Variants in GTF2F2 observed in about 807,000 individuals in gnomAD.
The protein encoded by GTF2F2 is general transcription factor IIF subunit 2, also known as ATP-dependent helicase GTF2F2.
Under a neutral mutation model 42.2 loss-of-function variants are expected in GTF2F2, and 23 were observed. The ratio of observed to expected loss-of-function variants is 0.55; its 90% CI spans 0.39 to 0.77. GTF2F2 has a LOEUF of 0.77. Ranked by LOEUF, GTF2F2 falls within the 30% of genes least tolerant of loss-of-function variation. The probability of loss-of-function intolerance (pLI) is 0.00; values close to 1 mark genes in which losing one functional copy is unlikely to be tolerated. For missense variants in GTF2F2, 261 were observed against 287.2 expected (o/e 0.91, Z 0.66); for synonymous variants, 105 against 100.8 (o/e 1.04, Z -0.25).
intron 1 of GTF2F2, among the ~76,000 whole-genome samples, chr13:45,121,377 C>T: frequency 6.6e-6 from 1 of 152,182 alleles, no homozygotes; most frequent in Non-Finnish European, 1.5e-5. Context: ...GGAGTGTTTT[C>T]TCCTAGGGGA....
chr13:45,165,199 T>C (rs1871219353), intron 4 of GTF2F2, among the ~76,000 whole-genome samples: 1 of 149,754 alleles, frequency 6.7e-6, no homozygotes, highest in African/African-American at 2.4e-5. Context: ...TATATAGATA[T>C]CTATATATTC....
chr13:45,144,982 C>T (rs1870124286), intron 2 of GTF2F2, among the ~76,000 whole-genome samples: 1 of 152,042 alleles, frequency 6.6e-6, no homozygotes, highest in Non-Finnish European at 1.5e-5. Flanking sequence ...AATAACAATC[C>T]CACTGTTTTC....
At chr13:45,142,118 A>G (rs886730432) in intron 2 of GTF2F2, among the ~76,000 whole-genome samples, 3 of 152,170 alleles carry the variant, frequency 2.0e-5, no homozygotes, top group African/African-American at 7.2e-5. Flanking sequence ...GTGAGTTGAA[A>G]TTATTTTATT....
At chr13:45,212,588 G>A (rs117253687) in intron 5 of GTF2F2, among the ~76,000 whole-genome samples, 3 of 117,262 alleles carry the variant, frequency 2.6e-5, no homozygotes, top group Non-Finnish European at 5.4e-5. Flanking sequence ...TTTGAGACAA[G>A]TCTTGCTTGC....
chr13:45,161,544 G>A (rs184315472), intron 4 of GTF2F2, among the ~76,000 whole-genome samples: 2 of 152,194 alleles, frequency 1.3e-5, no homozygotes, highest in Admixed American at 6.5e-5. Flanking sequence ...TTTATTGTTG[G>A]TTTTAAGAAT....
intron 5 of GTF2F2, among the ~76,000 whole-genome samples, chr13:45,239,474 G>A (rs1269092510): frequency 6.6e-6 from 1 of 152,154 alleles, no homozygotes; most frequent in African/African-American, 2.4e-5. Flanking sequence ...AAAAACAGAA[G>A]TTGGGCAGTA....
chr13:45,189,369 G>A (rs1007009716), intron 4 of GTF2F2, among the ~76,000 whole-genome samples: 4 of 152,182 alleles, frequency 2.6e-5, no homozygotes, highest in African/African-American at 7.2e-5. Context: ...ACATACGTGT[G>A]CATGTGTCTT....
chr13:45,181,488 A>G (rs1028578942), intron 4 of GTF2F2, among the ~76,000 whole-genome samples: 1 of 152,158 alleles, frequency 6.6e-6, no homozygotes, highest in African/African-American at 2.4e-5. Context: ...TTGTATATGA[A>G]CATTTCTCTC....
At chr13:45,228,992 C>G (rs1158593029) in intron 5 of GTF2F2, among the ~76,000 whole-genome samples, 6 of 152,026 alleles carry the variant, frequency 3.9e-5, no homozygotes, top group Non-Finnish European at 7.4e-5. Context: ...TAAATGAACC[C>G]TGCCTCAGCC....
chr13:45,131,923 AG>A (rs1339399126), intron 1 of GTF2F2, among the ~76,000 whole-genome samples: 7 of 135,354 alleles, frequency 5.2e-5, no homozygotes, highest in African/African-American at 2.0e-4. Flanking sequence ...AAAAAAAAAG[AG>A]AGAGAGAGAA....
chr13:45,269,920 C>T (rs1185314187), intron 7 of GTF2F2, among the ~76,000 whole-genome samples: 1 of 152,144 alleles, frequency 6.6e-6, no homozygotes. Flanking sequence ...CAACCTCCAC[C>T]TCCCGAGTTC....
chr13:45,172,294 T>A (rs1871636545), intron 4 of GTF2F2, among the ~76,000 whole-genome samples: 1 of 152,206 alleles, frequency 6.6e-6, no homozygotes, highest in South Asian at 2.1e-4. Context: ...AGCTGATGAT[T>A]GATGTTGAAT....
intron 4 of GTF2F2, among the ~76,000 whole-genome samples, chr13:45,164,830 G>C (rs1356091261): frequency 6.6e-6 from 1 of 152,186 alleles, no homozygotes; most frequent in African/African-American, 2.4e-5. Context: ...CATCACAGCA[G>C]AATGGGAAGG....
chr13:45,220,102 C>G (rs144863655), intron 5 of GTF2F2, among the ~76,000 whole-genome samples: 3 of 152,118 alleles, frequency 2.0e-5, no homozygotes, highest in Admixed American at 6.6e-5. Flanking sequence ...CTAGTAGGTG[C>G]GTGATAAATA....
chr13:45,198,806 A>G (rs1488932995), intron 4 of GTF2F2, among the ~76,000 whole-genome samples: 2 of 151,832 alleles, frequency 1.3e-5, no homozygotes, highest in Non-Finnish European at 2.9e-5. Context: ...CCTCTTGTCA[A>G]TAGCACTGAA....
At chr13:45,224,609 C>A (rs908738143) in intron 5 of GTF2F2, among the ~76,000 whole-genome samples, 1 of 152,114 alleles carries the variant, frequency 6.6e-6, no homozygotes, top group Non-Finnish European at 1.5e-5. Flanking sequence ...GTCACTTGGT[C>A]TTTGTTGTTA....
intron 4 of GTF2F2, among the ~76,000 whole-genome samples, chr13:45,165,903 T>A (rs1871279204): frequency 7.1e-6 from 1 of 141,648 alleles, no homozygotes; most frequent in Admixed American, 7.1e-5. Flanking sequence ...AACCTCTGTC[T>A]CCCAGGTTCA....
chr13:45,121,570 A>G (rs1868634122), intron 1 of GTF2F2, among the ~76,000 whole-genome samples: 1 of 152,218 alleles, frequency 6.6e-6, no homozygotes, highest in Non-Finnish European at 1.5e-5. Context: ...TCATTTGCTA[A>G]CACGACAGAT....
chr13:45,252,933 C>T lies in GTF2F2; in HGVS notation c.449C>T (p.Thr150Ile). 6.7e-7 allele frequency: 1 copy of T among 1,485,960 alleles called. No homozygotes were observed. Among genetic ancestry groups the T allele is most frequent in the South Asian group, 1.4e-5 (1 of 72,710 alleles). 92.0% of individuals were successfully genotyped at this position (1,485,960 alleles called of 1,614,324 possible). Residue 150 changes from threonine (T) to isoleucine (I), a missense_variant, in exon 6 of 8, where the codon ACA becomes ATA. Thr to Ile is a moderately conservative substitution (Grantham distance 89). Transcript: ENST00000340473. The part of the protein sequence containing the change: ...RLSQQLDKVV[T>I]TNYKPVANHQ... ...TCACAACAGCTGGACAAAGTTGTAA[C>T]AACCAATTACAAACCTGTTGCTAAT...
Sources: gnomAD v4.1 joint callset for allele counts (sites outside exome capture counted in the v4.1 genomes callset) on GRCh38, gnomAD v4.1.1 for gene constraint, MANE v1.5 for transcripts, NCBI Gene and HGNC (gene_info 2026-07-23, HGNC 2026-07-21) for gene names.